SYNJ1: variants seen among roughly 807,000 people sequenced by gnomAD.
SYNJ1 encodes polyphosphatidylinositol phosphatase SYNJ1.
A neutral mutation model predicts 168.2 loss-of-function variants in SYNJ1; 78 were observed. The observed-to-expected ratio is 0.46, with a 90% CI of 0.39 to 0.56. The LOEUF (loss-of-function observed/expected upper bound fraction) is 0.56. Among genes scored for constraint, SYNJ1 ranks in the 20% least tolerant of loss-of-function variants. The probability of loss-of-function intolerance (pLI) is 0.00; values close to 1 mark genes in which losing one functional copy is unlikely to be tolerated. For synonymous variants in SYNJ1, 539 were observed against 548.6 expected (o/e 0.98, Z 0.24); for missense variants, 1,303 against 1,597.6 (o/e 0.82, Z 3.14).
At chr21:32,690,989 T>C (rs192058081) in intron 6 of SYNJ1, among the ~76,000 whole-genome samples, 28 of 152,352 alleles carry the variant, frequency 1.8e-4, no homozygotes, top group African/African-American at 6.7e-4. Flanking sequence ...TGGTATATCA[T>C]TTTCCATCAA....
chr21:32,674,956 A>C (rs748520674), intron 13 of SYNJ1, among the ~76,000 whole-genome samples: 2 of 152,104 alleles, frequency 1.3e-5, no homozygotes, highest in Non-Finnish European at 2.9e-5. Flanking sequence ...CATTGTTTCC[A>C]GGGGCAGATA....
chr21:32,683,588 A>T (rs2041707303), intron 10 of SYNJ1, among the ~76,000 whole-genome samples: 1 of 152,114 alleles, frequency 6.6e-6, no homozygotes, highest in Admixed American at 6.5e-5. Context: ...AACACCAAAC[A>T]AACTGGATTG....
intron 3 of SYNJ1, among the ~76,000 whole-genome samples, chr21:32,701,324 A>C (rs1011234911): frequency 6.6e-6 from 1 of 152,192 alleles, no homozygotes; most frequent in Non-Finnish European, 1.5e-5. Flanking sequence ...TACTAAGTTC[A>C]CCCTTTAGTT....
chr21:32,713,500 GGAT>G (rs1263040282), intron 2 of SYNJ1, among the ~76,000 whole-genome samples: 1 of 133,602 alleles, frequency 7.5e-6, no homozygotes, highest in Non-Finnish European at 1.6e-5. Flanking sequence ...ATGTCAACAT[GGAT>G]GATTTCCCAT....
intron 2 of SYNJ1, among the ~76,000 whole-genome samples, chr21:32,718,774 G>C (rs1018618607): frequency 6.6e-6 from 1 of 151,944 alleles, no homozygotes; most frequent in Non-Finnish European, 1.5e-5. Flanking sequence ...TGTTTTTAAT[G>C]ACTTTACTGT....
In SYNJ1 at chr21:32,637,214, T is replaced by TA. The variant is rs2039607406; in HGVS notation, c.3915+1693dup. On this transcript the variant is annotated intron_variant, in intron 31 of 32. Coordinates refer to ENST00000674351, the MANE Select transcript of SYNJ1 (RefSeq NM_203446.3). The stretch of plus-strand genomic sequence containing the variant: ...TGAGATGGATGCCCTAAAACAGTCC[T>TA]AGAAAGCTCAGAGTGGCTAGTTGAA... Among the ~76,000 whole-genome samples the TA allele has an allele frequency of 2.0e-5, 3 of 152,174 alleles. No homozygotes were observed. In the South Asian group the frequency reaches 6.2e-4, roughly 32 times the overall value.
chr21:32,694,968 C>T (rs1322383919), intron 5 of SYNJ1, 89 bp downstream of exon 5: 10 of 1,264,210 alleles, frequency 7.9e-6, no homozygotes, highest in Non-Finnish European at 1.1e-5. Flanking sequence ...TTAAAATAAG[C>T]TCCGAATCAA....
chr21:32,637,007 A>G (rs1569023075), intron 31 of SYNJ1, among the ~76,000 whole-genome samples: 1 of 152,202 alleles, frequency 6.6e-6, no homozygotes, highest in Non-Finnish European at 1.5e-5. Flanking sequence ...TGAAAAACAT[A>G]AAACAATGGA....
chr21:32,639,450 G>C (rs992901476), intron 30 of SYNJ1, among the ~76,000 whole-genome samples: 2 of 152,146 alleles, frequency 1.3e-5, no homozygotes, highest in African/African-American at 4.8e-5. Flanking sequence ...GGAGTGCAGT[G>C]GTGTGATCAC....
chr21:32,704,484 GCCACTAGGAGAAGGATGGC>G (rs2042531027), intron 2 of SYNJ1, among the ~76,000 whole-genome samples: 1 of 152,154 alleles, frequency 6.6e-6, no homozygotes, highest in Non-Finnish European at 1.5e-5. Flanking sequence ...CCCAGTAATG[GCCACTAGGAGAAGGATGGC>G]CTGTGCAAGA....
At chr21:32,714,344 G>C (rs545309792) in intron 2 of SYNJ1, among the ~76,000 whole-genome samples, 10 of 152,066 alleles carry the variant, frequency 6.6e-5, no homozygotes, top group Non-Finnish European at 1.3e-4. Context: ...ATTAGGCAGG[G>C]GATTAATAAG....
At chr21:32,640,686 T>G (rs540739904) in intron 29 of SYNJ1, among the ~76,000 whole-genome samples, 2 of 152,064 alleles carry the variant, frequency 1.3e-5, no homozygotes, top group South Asian at 4.2e-4. Flanking sequence ...TGTAGTCCCC[T>G]GCGTAGCTGG....
chr21:32,645,070 CAA>C, intron 25 of SYNJ1, 64 bp from the exon 26 acceptor site: 1 of 1,506,452 alleles, frequency 6.6e-7, no homozygotes, highest in Non-Finnish European at 9.0e-7. Flanking sequence ...AGTGAAATGT[CAA>C]AGATTGCTAT....
chr21:32,717,217 C>T (rs1695529252), intron 2 of SYNJ1, among the ~76,000 whole-genome samples: 1 of 152,156 alleles, frequency 6.6e-6, no homozygotes, highest in African/African-American at 2.4e-5. Flanking sequence ...CCTCGGCCTC[C>T]CAAAGTGCTG....
intron 2 of SYNJ1, among the ~76,000 whole-genome samples, chr21:32,720,163 C>T (rs887931549): frequency 3.3e-5 from 5 of 151,906 alleles, no homozygotes; most frequent in African/African-American, 4.8e-5. Flanking sequence ...TGCTTGAACC[C>T]GGGAGGCAGA....
chr21:32,674,623 GTTTT>G (rs3989187), intron 13 of SYNJ1, among the ~76,000 whole-genome samples: 2 of 140,736 alleles, frequency 1.4e-5, no homozygotes, highest in Non-Finnish European at 3.1e-5. Flanking sequence ...AATCTCTCCC[GTTTT>G]TTTTTTTTTT....
chr21:32,689,358 G>A (rs899872894), intron 6 of SYNJ1, among the ~76,000 whole-genome samples: 1 of 152,148 alleles, frequency 6.6e-6, no homozygotes. Context: ...GTGCATTGGC[G>A]TGATCTCGGC....
In SYNJ1 at chr21:32,694,170, G is replaced by T. The variant is rs555103817; in HGVS notation, c.789+58C>A. 5.6e-6 allele frequency: 7 copies of T among 1,260,940 alleles called. No homozygotes were observed. The African/African-American group carries it at 1.1e-4, about 20-fold the overall frequency. The allele number at this position is 1,260,940 out of a possible 1,614,324, so 78.1% of individuals were successfully genotyped here. A position where few individuals can be genotyped will look rare whatever the true frequency, so the allele number is the denominator to read the frequency against. On this transcript the variant is annotated intron_variant, in intron 6 of 32. Coordinates refer to ENST00000674351, the MANE Select transcript of SYNJ1 (RefSeq NM_203446.3). ...AATTAATTAATAAACTATCCAGAAAGTTTAGAAAATATGAAAATTGTTCAA... is the reference window on the plus strand; with the variant it reads ...AATTAATTAATAAACTATCCAGAAATTTTAGAAAATATGAAAATTGTTCAA...
At chr21:32,715,366 C>T (rs1244303976) in intron 2 of SYNJ1, among the ~76,000 whole-genome samples, 3 of 151,576 alleles carry the variant, frequency 2.0e-5, no homozygotes, top group African/African-American at 7.3e-5. Context: ...TTCAGCTACT[C>T]GGGATGCTGA....
Sources: gnomAD v4.1 joint callset for allele counts (sites outside exome capture counted in the v4.1 genomes callset) on GRCh38, gnomAD v4.1.1 for gene constraint, MANE v1.5 for transcripts, NCBI Gene and HGNC (gene_info 2026-07-23, HGNC 2026-07-21) for gene names.